Variants in MYRIP observed in about 807,000 individuals in gnomAD.
The protein encoded by MYRIP is myosin VIIA and Rab interacting protein.
A neutral mutation model predicts 98.0 loss-of-function variants in MYRIP; 49 were observed. The observed-to-expected ratio is 0.50, with a 90% confidence interval of 0.40 to 0.63. The LOEUF (loss-of-function observed/expected upper bound fraction) is 0.63, where lower values mean the gene tolerates loss of function less well. Ranked by LOEUF, MYRIP falls within the 30% of genes least tolerant of loss-of-function variation. MYRIP has a pLI of 0.00. For missense variants in MYRIP, 1,004 were observed against 1,058.2 expected (o/e 0.95, Z 0.71); for synonymous variants, 404 against 409.5 (o/e 0.99, Z 0.16).
At chr3:40,083,903 C>T (rs1948537100) in intron 3 of MYRIP, among the ~76,000 whole-genome samples, 1 of 151,746 alleles carries the variant, frequency 6.6e-6, no homozygotes, top group Admixed American at 6.6e-5. Flanking sequence ...TTTGTGAGGC[C>T]AAGGTGGGCG....
In MYRIP at chr3:39,851,825, A is replaced by G. The variant is rs190086495; in HGVS notation, c.-31+41909A>G. Among the ~76,000 whole-genome samples the G allele has an allele frequency of 3.9e-5, 6 of 152,204 alleles. No homozygotes were observed. In the East Asian group the frequency reaches 5.8e-4, roughly 15 times the overall value. On this transcript the variant is annotated intron_variant, in intron 1 of 16. Coordinates refer to ENST00000302541, the MANE Select transcript of MYRIP (RefSeq NM_015460.4). ...GGTTCAAATAGAGGTCAAAATGCCT[A>G]TAGGATCTGGTGCCTGGTAGTTTTG...
intron 2 of MYRIP, among the ~76,000 whole-genome samples, chr3:39,903,581 T>G (rs767571441): frequency 6.6e-6 from 1 of 152,112 alleles, no homozygotes; most frequent in Non-Finnish European, 1.5e-5. Context: ...CATGGTAATG[T>G]AAAGAGGGAT....
At chr3:39,906,976 T>A (rs1455470483) in intron 2 of MYRIP, among the ~76,000 whole-genome samples, 1 of 152,180 alleles carries the variant, frequency 6.6e-6, no homozygotes, top group East Asian at 1.9e-4. Flanking sequence ...AGGTTAAGAC[T>A]TGTTTCCCTC....
intron 16 of MYRIP, among the ~76,000 whole-genome samples, chr3:40,257,554 A>G (rs1953638699): frequency 6.6e-6 from 1 of 152,246 alleles, no homozygotes; most frequent in African/African-American, 2.4e-5. Flanking sequence ...TCACATCAAC[A>G]GTTCAATAAG....
chr3:39,821,753 T>A (rs1003078507), intron 1 of MYRIP, among the ~76,000 whole-genome samples: 3 of 151,888 alleles, frequency 2.0e-5, no homozygotes, highest in Admixed American at 6.6e-5. Context: ...TTTTTAATAT[T>A]TTTTTTTCTA....
chr3:40,074,596 C>T (rs941419358), intron 3 of MYRIP, among the ~76,000 whole-genome samples: 1 of 151,830 alleles, frequency 6.6e-6, no homozygotes, highest in African/African-American at 2.4e-5. Flanking sequence ...GTAAAATAAA[C>T]CCAAGGAAAG....
At chr3:39,872,283 G>C (rs1942818798) in intron 1 of MYRIP, among the ~76,000 whole-genome samples, 1 of 151,364 alleles carries the variant, frequency 6.6e-6, no homozygotes, top group Admixed American at 6.6e-5. Flanking sequence ...TTTTTTTAAA[G>C]ATCATTGTCT....
At chr3:40,110,881 GGTGTGTGTGTGT>G (rs58040369) in intron 3 of MYRIP, among the ~76,000 whole-genome samples, 56,546 of 147,606 alleles carry the variant, frequency 0.38, 10,986 homozygotes, top group Admixed American at 0.47. Context: ...TTCATGAAGG[GGTGTGTGTGTGT>G]GTGTGTGTGT....
At chr3:40,152,147 A>G (rs1950136951) in intron 4 of MYRIP, among the ~76,000 whole-genome samples, 2 of 152,210 alleles carry the variant, frequency 1.3e-5, no homozygotes, top group African/African-American at 4.8e-5. Context: ...GTTTCCACAT[A>G]TTATGTTTAT....
intron 1 of MYRIP, among the ~76,000 whole-genome samples, chr3:39,893,237 A>G (rs1400623107): frequency 6.6e-6 from 1 of 152,150 alleles, no homozygotes; most frequent in Non-Finnish European, 1.5e-5. Context: ...ATCTGCAATT[A>G]TCCTGTGCTC....
intron 10 of MYRIP, among the ~76,000 whole-genome samples, chr3:40,206,248 G>A (rs1951790345): frequency 6.6e-6 from 1 of 152,054 alleles, no homozygotes; most frequent in Non-Finnish European, 1.5e-5. Flanking sequence ...TTAACCCTTT[G>A]CAGGCTAAAA....
intron 2 of MYRIP, among the ~76,000 whole-genome samples, chr3:39,958,686 A>C (rs1286841237): frequency 1.3e-5 from 2 of 152,224 alleles, no homozygotes; most frequent in Non-Finnish European, 2.9e-5. Context: ...AATGGGATCT[A>C]ATTAAACTAA....
chr3:39,995,871 G>A (rs1335258936), intron 2 of MYRIP, among the ~76,000 whole-genome samples: 2 of 152,130 alleles, frequency 1.3e-5, no homozygotes, highest in Non-Finnish European at 2.9e-5. Flanking sequence ...AAGAGAGTGG[G>A]GGCCAATATT....
At chr3:40,237,430 C>CA (rs1952854584) in intron 12 of MYRIP, among the ~76,000 whole-genome samples, 3 of 152,284 alleles carry the variant, frequency 2.0e-5, no homozygotes, top group Admixed American at 2.0e-4. Flanking sequence ...GTGTGACAGT[C>CA]AAAAATGTCT....
At chr3:39,889,014 A>T (rs552038600) in intron 1 of MYRIP, among the ~76,000 whole-genome samples, 2,500 of 152,316 alleles carry the variant, frequency 0.016, 65 homozygotes, top group African/African-American at 0.056. Flanking sequence ...GCGATCATTA[A>T]AAAGTCAGGA....
chr3:39,958,195 A>G (rs555556297), intron 2 of MYRIP, among the ~76,000 whole-genome samples: 1 of 152,322 alleles, frequency 6.6e-6, no homozygotes, highest in East Asian at 1.9e-4. Context: ...GTTCATACGG[A>G]ACCAAAAAAG....
chr3:40,001,344 A>C (rs1418249910), intron 2 of MYRIP, among the ~76,000 whole-genome samples: 1 of 152,220 alleles, frequency 6.6e-6, no homozygotes, highest in Non-Finnish European at 1.5e-5. Context: ...AAGGATGTGG[A>C]AACTTTTGGA....
intron 3 of MYRIP, among the ~76,000 whole-genome samples, chr3:40,061,350 C>T (rs1948010721): frequency 1.3e-5 from 2 of 152,100 alleles, no homozygotes; most frequent in Admixed American, 1.3e-4. Context: ...TTTTCTGTTC[C>T]TTTGTTAGTT....
chr3:39,865,225 T>G (rs532031983), intron 1 of MYRIP, among the ~76,000 whole-genome samples: 1 of 152,254 alleles, frequency 6.6e-6, no homozygotes, highest in Non-Finnish European at 1.5e-5. Flanking sequence ...GGAAATACCA[T>G]TCCACATGTA....
Sources: gnomAD v4.1 joint callset for allele counts (sites outside exome capture counted in the v4.1 genomes callset) on GRCh38, gnomAD v4.1.1 for gene constraint, MANE v1.5 for transcripts, NCBI Gene and HGNC (gene_info 2026-07-23, HGNC 2026-07-21) for gene names.